NFATC1: variants seen among roughly 807,000 people sequenced by gnomAD.
NFATC1 encodes the protein nuclear factor of activated T-cells, cytoplasmic 1.
Under a neutral mutation model 76.0 loss-of-function variants are expected in NFATC1, and 22 were observed. The ratio of observed to expected loss-of-function variants is 0.29; its 90% CI spans 0.21 to 0.41. The LOEUF is 0.41. Among genes scored for constraint, NFATC1 ranks in the 10% least tolerant of loss-of-function variants. The pLI is 1.00. For synonymous variants in NFATC1, 704 were observed against 613.1 expected, an observed-to-expected ratio of 1.15 and a Z score of -2.19; for missense variants, 1,357 against 1,337.7, an observed-to-expected ratio of 1.01 and a Z score of -0.23.
At chr18:79,413,510 G>A (rs1429602447) in intron 2 of NFATC1, among the ~76,000 whole-genome samples, 1 of 152,162 alleles carries the variant, frequency 6.6e-6, no homozygotes, top group Non-Finnish European at 1.5e-5. Context: ...CCCCTTTTGT[G>A]AGGACACTGG....
At chr18:79,468,941 A>G (rs1316210846) in intron 8 of NFATC1, 1 of 140,956 alleles carries the variant, frequency 7.1e-6, no homozygotes, top group Non-Finnish European at 1.5e-5. Flanking sequence ...GACCCCCGGG[A>G]TTGTGGGGAA....
intron 1 of NFATC1, among the ~76,000 whole-genome samples, 187 bp downstream of exon 1, chr18:79,396,538 G>A (rs1159189415): frequency 6.6e-6 from 1 of 152,114 alleles, no homozygotes; most frequent in Non-Finnish European, 1.5e-5. Context: ...CCAGCAGCCC[G>A]GTTCCGAGCG....
At chr18:79,414,435 ATTG>A (rs1218523107) in intron 2 of NFATC1, among the ~76,000 whole-genome samples, 7 of 152,160 alleles carry the variant, frequency 4.6e-5, no homozygotes, top group African/African-American at 1.7e-4. Context: ...ACCGTCTAGG[ATTG>A]TTGTCCTTTG....
At chr18:79,520,869 C>G (rs1196350127) in intron 9 of NFATC1, among the ~76,000 whole-genome samples, 5 of 50,022 alleles carry the variant, frequency 1.0e-4, no homozygotes, top group Admixed American at 3.0e-4. Context: ...GTGGGGGGGG[C>G]ATCCACTGGT....
intron 9 of NFATC1, among the ~76,000 whole-genome samples, chr18:79,503,279 T>C (rs2090051424): frequency 6.6e-6 from 1 of 152,140 alleles, no homozygotes. Context: ...CTCAGACCAC[T>C]GGGATACAGC....
At chr18:79,448,635 C>T (rs2087319223) in intron 3 of NFATC1, 147 bp from the exon 4 acceptor site, 5 of 742,990 alleles carry the variant, frequency 6.7e-6, no homozygotes, top group South Asian at 5.2e-5. Context: ...TTTACAAAGA[C>T]ACCAGTATGA....
At position 79,450,990 on chromosome 18, in the gene NFATC1, C is replaced by T. The variant is rs368995476; in HGVS notation, c.1626C>T (p.Ser542=). 4.5e-5 allele frequency: 72 copies of T among 1,613,682 alleles called. No homozygotes were observed. The highest frequency in any genetic ancestry group is 5.5e-5 in the Non-Finnish European group (65 of 1,179,988). The change falls in exon 5 of 10, where the codon TCC becomes TCT. Residue 542 remains serine (S), a synonymous_variant. Transcript: ENST00000427363. ...CCGGAATCCTGAAACTCAGAAACTCCGACATTGAACTTCGGAAAGGAGAGA... is the reference window on the plus strand; with the variant it reads ...CCGGAATCCTGAAACTCAGAAACTCTGACATTGAACTTCGGAAAGGAGAGA... ...DCAGILKLRN[S]DIELRKGETD...
chr18:79,413,439 G>T (rs543076866), intron 2 of NFATC1, among the ~76,000 whole-genome samples: 2 of 152,178 alleles, frequency 1.3e-5, no homozygotes, highest in Non-Finnish European at 2.9e-5. Context: ...GCTTGGAGGC[G>T]CCGTCTTCTC....
intron 9 of NFATC1, among the ~76,000 whole-genome samples, chr18:79,490,575 T>TC (rs2145084830): frequency 6.6e-6 from 1 of 152,220 alleles, no homozygotes; most frequent in African/African-American, 2.4e-5. Context: ...GTCCACCCAC[T>TC]CTAGACACCT....
rs772560283 is a variant in NFATC1, at chr18:79,528,064, G to A, written c.*487G>A. ...TACCCTCTGTATGAATGAAGAGAACGCTGGAAGGCTGCGAGAGGACTCTAG... is the reference window on the plus strand; with the variant it reads ...TACCCTCTGTATGAATGAAGAGAACACTGGAAGGCTGCGAGAGGACTCTAG... On this transcript the variant is annotated 3_prime_UTR_variant, in exon 10 of 10. Transcript: ENST00000427363. 16 of 403,510 alleles carry A rather than the reference G, an allele frequency of 4.0e-5. No individual in the cohort carries two copies. Among genetic ancestry groups the A allele is most frequent in the East Asian group, 1.8e-4 (5 of 28,342 alleles). The allele number at this position is 403,510 out of a possible 1,614,324, so 25.0% of individuals were successfully genotyped here. A position where few individuals can be genotyped will look rare whatever the true frequency, so the allele number is the denominator to read the frequency against.
At chr18:79,400,583 C>A in intron 1 of NFATC1, 1 of 1,047,302 alleles carries the variant, frequency 9.5e-7, no homozygotes, top group Non-Finnish European at 1.2e-6. Flanking sequence ...CCCCAGGAGT[C>A]CCCGGCGCGC....
At position 79,418,003 on chromosome 18, in the gene NFATC1, G is replaced by C. The variant is rs1315213936; in HGVS notation, c.1226+6502G>C. Among the ~76,000 whole-genome samples the C allele has an allele frequency of 2.6e-5, 4 of 152,176 alleles. No homozygotes were observed. In the South Asian group the frequency reaches 6.2e-4, roughly 24 times the overall value. ...GGCTGGGCCTGTCCTCTGTGGTGCTGTGGATGCGTCCTATTCAGGAGCTGC... is the reference window on the plus strand; with the variant it reads ...GGCTGGGCCTGTCCTCTGTGGTGCTCTGGATGCGTCCTATTCAGGAGCTGC... On this transcript the variant is annotated intron_variant, in intron 2 of 9. Coordinates refer to ENST00000427363, the MANE Select transcript of NFATC1 (RefSeq NM_001278669.2).
intron 3 of NFATC1, among the ~76,000 whole-genome samples, chr18:79,442,495 CCA>C (rs1195343182): frequency 6.6e-6 from 1 of 152,236 alleles, no homozygotes; most frequent in Non-Finnish European, 1.5e-5. Context: ...TGATCTTTCT[CCA>C]AAGTCGGCGG....
chr18:79,430,523 C>G (rs962731927), intron 2 of NFATC1, among the ~76,000 whole-genome samples: 1 of 152,202 alleles, frequency 6.6e-6, no homozygotes, highest in Non-Finnish European at 1.5e-5. Flanking sequence ...GCTAGGATTA[C>G]AGGCACTCGC....
At chr18:79,463,456 A>C (rs562345047) in intron 7 of NFATC1, among the ~76,000 whole-genome samples, 31 of 148,336 alleles carry the variant, frequency 2.1e-4, no homozygotes, top group African/African-American at 7.8e-4. Flanking sequence ...TCCCGTGTCC[A>C]TACCGGCCTC....
chr18:79,443,756 C>A (rs2087081412), intron 3 of NFATC1, among the ~76,000 whole-genome samples: 1 of 152,226 alleles, frequency 6.6e-6, no homozygotes, highest in Non-Finnish European at 1.5e-5. Flanking sequence ...CCCCCTAGCC[C>A]TGGGCGGGTG....
At chr18:79,448,490 C>G (rs1405374017) in intron 3 of NFATC1, 1 of 451,508 alleles carries the variant, frequency 2.2e-6, no homozygotes. Context: ...TTCCTGCACA[C>G]GCCCCCTGCC....
chr18:79,481,707 C>T (rs904425545), intron 8 of NFATC1, among the ~76,000 whole-genome samples: 4 of 152,262 alleles, frequency 2.6e-5, no homozygotes, highest in African/African-American at 9.6e-5. Flanking sequence ...TGAGCGTTGT[C>T]TTCAGATGGG....
At chr18:79,443,679 C>T (rs1425290192) in intron 3 of NFATC1, among the ~76,000 whole-genome samples, 2 of 152,274 alleles carry the variant, frequency 1.3e-5, no homozygotes, top group South Asian at 2.1e-4. Flanking sequence ...GGCACATGGA[C>T]GCTTCCCTTG....
Sources: allele counts gnomAD v4.1 joint callset (sites outside exome capture counted in the v4.1 genomes callset), GRCh38; gene constraint gnomAD v4.1.1; transcripts MANE v1.5; gene names NCBI Gene and HGNC (gene_info 2026-07-23, HGNC 2026-07-21).